Variants in CCDC178 observed in about 807,000 individuals in gnomAD.
CCDC178 encodes coiled-coil domain-containing protein 178.
CCDC178 carries 126 observed loss-of-function variants against 117.4 expected under a neutral mutation model. That is an observed-to-expected ratio of 1.07 (90% CI 0.93 to 1.24). The LOEUF is 1.24. CCDC178 is among the 50% of genes most tolerant of loss of function. The pLI is 0.00. For synonymous variants in CCDC178, 283 were observed against 313.4 expected, an observed-to-expected ratio of 0.90 and a Z score of 1.02; for missense variants, 1,030 against 986.9, an observed-to-expected ratio of 1.04 and a Z score of -0.59.
intron 16 of CCDC178, among the ~76,000 whole-genome samples, chr18:33,225,739 G>A (rs429256): frequency 0.16 from 24,487 of 151,906 alleles, 2,749 homozygotes; most frequent in African/African-American, 0.32. Context: ...AAATGAGGAA[G>A]TTTAGTGTTT....
Position 33,293,190 on chromosome 18 carries a change from G to A in CCDC178, c.1145C>T (p.Ser382Leu), listed in dbSNP as rs773762021. Residue 382 changes from serine to leucine, a missense_variant, in exon 12 of 23, where the codon TCA becomes TTA. By Grantham distance (145) the Ser-to-Leu change is moderately radical. Transcript: ENST00000383096. ...TGATAGAGAATGTAATTCATTTTTTGATGACTTTGTTTCCCTTATTGCTTC... is the reference window on the plus strand; with the variant it reads ...TGATAGAGAATGTAATTCATTTTTTAATGACTTTGTTTCCCTTATTGCTTC... ...VTEAIRETKS[S>L]KNELHSLSKM... is the part of the protein sequence containing the mutation. 2 of 1,582,764 alleles carry A rather than the reference G, an allele frequency of 1.3e-6. No homozygotes were observed. The highest frequency in any genetic ancestry group is 2.3e-5 in the South Asian group (2 of 85,504).
At chr18:33,366,631 C>T (rs553630533) in intron 6 of CCDC178, among the ~76,000 whole-genome samples, 3 of 151,894 alleles carry the variant, frequency 2.0e-5, no homozygotes, top group African/African-American at 7.2e-5. Context: ...TATACAAATC[C>T]GTGGTTTTTA....
At chr18:33,100,446 T>A (rs970622257) in intron 20 of CCDC178, among the ~76,000 whole-genome samples, 3 of 151,918 alleles carry the variant, frequency 2.0e-5, no homozygotes, top group Non-Finnish European at 4.4e-5. Flanking sequence ...TGCAATCAGA[T>A]AAGGGAATAG....
At chr18:33,427,843 A>G (rs2064142914) in intron 2 of CCDC178, among the ~76,000 whole-genome samples, 1 of 152,186 alleles carries the variant, frequency 6.6e-6, no homozygotes, top group Non-Finnish European at 1.5e-5. Flanking sequence ...AGCCTTCACG[A>G]TGTTAAATTA....
chr18:33,153,609 A>G (rs908943840), intron 20 of CCDC178, among the ~76,000 whole-genome samples: 2 of 152,154 alleles, frequency 1.3e-5, no homozygotes, highest in Non-Finnish European at 2.9e-5. Flanking sequence ...TAATTACAAA[A>G]ATAAATAGAA....
chr18:33,194,013 A>G (rs72947162), intron 20 of CCDC178, among the ~76,000 whole-genome samples: 2,467 of 152,002 alleles, frequency 0.016, 30 homozygotes, highest in Non-Finnish European at 0.025. Context: ...AATGGTATTA[A>G]TCCCACCCAT....
At chr18:33,221,543 G>C (rs1264153502) in intron 18 of CCDC178, among the ~76,000 whole-genome samples, 2 of 152,022 alleles carry the variant, frequency 1.3e-5, no homozygotes, top group Non-Finnish European at 2.9e-5. Context: ...GAGTGATGAG[G>C]ATACCATTAC....
Position 33,077,129 on chromosome 18 carries a change from T to C in CCDC178, c.2388+15632A>G, listed in dbSNP as rs369249657. 1.8e-4 allele frequency among the ~76,000 whole-genome samples: 27 copies of C among 152,386 alleles called. No individual in the cohort carries two copies. In the East Asian group the frequency reaches 5.2e-3, roughly 29 times the overall value. ...TATCACAGGTATTACAAGATATTTA[T>C]AATTGAAATACTTTTGCATTTAAAG... On this transcript the variant is annotated intron_variant, in intron 21 of 22. Transcript: ENST00000383096.
intron 20 of CCDC178, among the ~76,000 whole-genome samples, chr18:33,167,532 T>C (rs2058547581): frequency 2.6e-5 from 4 of 152,122 alleles, no homozygotes; most frequent in African/African-American, 9.7e-5. Context: ...TGCATTTTTT[T>C]CATATGCTTG....
Position 33,343,619 on chromosome 18 carries a change from C to A in CCDC178, c.658+2592G>T, listed in dbSNP as rs182574850. ...CAGGAAGACAGAATGCAAACAAAATCTTTGATGCAGTCCACTATGAATCAG... is the reference window on the plus strand; with the variant it reads ...CAGGAAGACAGAATGCAAACAAAATATTTGATGCAGTCCACTATGAATCAG... On this transcript the variant is annotated intron_variant, in intron 9 of 22. Coordinates refer to ENST00000383096, the MANE Select transcript of CCDC178 (RefSeq NM_001105528.4). Among the ~76,000 whole-genome samples the A allele has an allele frequency of 2.6e-5, 4 of 152,180 alleles. No homozygotes were observed. The East Asian group carries it at 5.8e-4, about 22-fold the overall frequency.
intron 22 of CCDC178, among the ~76,000 whole-genome samples, chr18:32,960,381 A>C (rs1421349469): frequency 6.6e-6 from 1 of 152,118 alleles, no homozygotes; most frequent in African/African-American, 2.4e-5. Context: ...TTTGAGGTGA[A>C]ATAGGAAATT....
At chr18:33,032,822 C>A (rs894929417) in intron 21 of CCDC178, among the ~76,000 whole-genome samples, 11 of 152,032 alleles carry the variant, frequency 7.2e-5, no homozygotes, top group African/African-American at 2.7e-4. Context: ...CTGTTTAAAA[C>A]CTTCAATTCT....
intron 20 of CCDC178, among the ~76,000 whole-genome samples, chr18:33,188,752 A>G (rs766719163): frequency 3.6e-4 from 55 of 152,310 alleles, no homozygotes; most frequent in Non-Finnish European, 7.1e-4. Flanking sequence ...AACTCTGCCA[A>G]CACCTTGATT....
intron 20 of CCDC178, among the ~76,000 whole-genome samples, chr18:33,167,439 T>C (rs553943468): frequency 1.7e-4 from 26 of 152,330 alleles, no homozygotes; most frequent in Admixed American, 1.0e-3. Flanking sequence ...TTTTCGATGT[T>C]TTAGTAACAG....
rs142880644 is a variant in CCDC178 at position 33,386,601 on chromosome 18, G to C, written c.208+2939C>G. 5.3e-5 allele frequency among the ~76,000 whole-genome samples: 8 copies of C among 152,174 alleles called. No homozygotes were observed. The East Asian group carries it at 1.5e-3, about 29-fold the overall frequency. On this transcript the variant is annotated intron_variant, in intron 5 of 22. Transcript: ENST00000383096. ...ATAAACGTAATTTATCACATAAACA[G>C]AACTAAACACAAAAACCACATGATT... is the stretch of plus-strand genomic sequence containing the variant.
chr18:33,065,258 G>A (rs994248693), intron 21 of CCDC178, among the ~76,000 whole-genome samples: 15 of 152,212 alleles, frequency 9.9e-5, no homozygotes, highest in East Asian at 1.9e-4. Flanking sequence ...TGTCCTCACC[G>A]CAAATATATG....
At chr18:33,407,461 T>C (rs565982304) in intron 3 of CCDC178, among the ~76,000 whole-genome samples, 1 of 151,840 alleles carries the variant, frequency 6.6e-6, no homozygotes, top group East Asian at 1.9e-4. Context: ...CAAAGCAAAA[T>C]AACAACAAAA....
At chr18:32,942,394 T>G (rs571359067) in intron 22 of CCDC178, among the ~76,000 whole-genome samples, 6 of 152,274 alleles carry the variant, frequency 3.9e-5, no homozygotes, top group African/African-American at 1.4e-4. Context: ...ACTGTAAATC[T>G]TCTTTTACAG....
At chr18:33,074,144 G>A (rs2057162881) in intron 21 of CCDC178, among the ~76,000 whole-genome samples, 1 of 151,810 alleles carries the variant, frequency 6.6e-6, no homozygotes, top group African/African-American at 2.4e-5. Flanking sequence ...GAATATAGGG[G>A]TAAGTTACTG....
Sources: gnomAD v4.1 joint callset for allele counts (sites outside exome capture counted in the v4.1 genomes callset) on GRCh38, gnomAD v4.1.1 for gene constraint, MANE v1.5 for transcripts, NCBI Gene and HGNC (gene_info 2026-07-23, HGNC 2026-07-21) for gene names.